Variants in GNA12 observed in about 807,000 individuals in gnomAD.
GNA12 encodes guanine nucleotide-binding protein subunit alpha-12.
In GNA12, 9 loss-of-function variants were observed where a neutral mutation model predicts 26.0. The ratio of observed to expected loss-of-function variants is 0.35; its 90% CI spans 0.21 to 0.60. The LOEUF is 0.60. Among genes scored for constraint, GNA12 ranks in the 20% least tolerant of loss-of-function variants. GNA12 has a pLI of 0.78. For synonymous variants in GNA12, 264 were observed against 219.6 expected, an observed-to-expected ratio of 1.20 and a Z score of -1.79; for missense variants, 405 against 525.8, an observed-to-expected ratio of 0.77 and a Z score of 2.25.
At chr7:2,749,378 A>T (rs562783537) in intron 2 of GNA12, among the ~76,000 whole-genome samples, 1 of 152,148 alleles carries the variant, frequency 6.6e-6, no homozygotes, top group African/African-American at 2.4e-5. Flanking sequence ...GGATGAAACT[A>T]GAAACCATCA....
At chr7:2,831,135 T>C (rs1166854401) in intron 1 of GNA12, among the ~76,000 whole-genome samples, 1 of 151,910 alleles carries the variant, frequency 6.6e-6, no homozygotes, top group Non-Finnish European at 1.5e-5. Flanking sequence ...CTGCTTTAAC[T>C]AGTGCGTTCC....
chr7:2,744,984 A>G (rs1044696445), intron 2 of GNA12, among the ~76,000 whole-genome samples: 3 of 152,232 alleles, frequency 2.0e-5, no homozygotes, highest in Non-Finnish European at 4.4e-5. Flanking sequence ...GAATAAAAAG[A>G]AACGAACAAG....
At chr7:2,843,755 G>T in intron 1 of GNA12, 98 bp downstream of exon 1, 1 of 546,640 alleles carries the variant, frequency 1.8e-6, no homozygotes, top group Non-Finnish European at 3.0e-6. Context: ...TCGCCCCAGG[G>T]GTCCCCGCCC....
At chr7:2,775,105 A>G (rs1792044716) in intron 2 of GNA12, among the ~76,000 whole-genome samples, 1 of 152,196 alleles carries the variant, frequency 6.6e-6, no homozygotes, top group Non-Finnish European at 1.5e-5. Flanking sequence ...TGGATAGACA[A>G]TACATGCACA....
chr7:2,830,865 C>T (rs1562449170), intron 1 of GNA12, among the ~76,000 whole-genome samples: 2 of 151,984 alleles, frequency 1.3e-5, no homozygotes, highest in Admixed American at 1.3e-4. Context: ...CACTTGAGCC[C>T]AGGAGGTCGA....
chr7:2,813,953 G>A (rs1793147985), intron 1 of GNA12, among the ~76,000 whole-genome samples: 1 of 152,178 alleles, frequency 6.6e-6, no homozygotes, highest in Non-Finnish European at 1.5e-5. Flanking sequence ...AATCCCTCAA[G>A]ACCCTGAATA....
intron 1 of GNA12, among the ~76,000 whole-genome samples, chr7:2,830,437 C>G (rs1009818683): frequency 1.3e-5 from 2 of 152,172 alleles, no homozygotes; most frequent in East Asian, 1.9e-4. Flanking sequence ...CATAGTGGGA[C>G]AAACGCAGGG....
intron 2 of GNA12, among the ~76,000 whole-genome samples, chr7:2,789,132 C>CTAT (rs1202789852): frequency 6.9e-5 from 5 of 72,822 alleles, no homozygotes; most frequent in African/African-American, 1.0e-4. Context: ...CTTCAGGCAT[C>CTAT]TTTTTTTTTT....
At chr7:2,739,463 T>C (rs1298696286) in intron 2 of GNA12, among the ~76,000 whole-genome samples, 2 of 150,622 alleles carry the variant, frequency 1.3e-5, no homozygotes, top group African/African-American at 4.9e-5. Context: ...CAGTGCAACA[T>C]TCCATTTTAC....
intron 2 of GNA12, among the ~76,000 whole-genome samples, chr7:2,786,754 C>A (rs1792372372): frequency 6.6e-6 from 1 of 152,202 alleles, no homozygotes; most frequent in Non-Finnish European, 1.5e-5. Context: ...CTGATGCTGT[C>A]CCTGGGGCAG....
chr7:2,785,000 A>G (rs1354492323), intron 2 of GNA12, among the ~76,000 whole-genome samples: 1 of 152,238 alleles, frequency 6.6e-6, no homozygotes, highest in Non-Finnish European at 1.5e-5. Context: ...ATCTATGTTA[A>G]AATACTTAAC....
intron 1 of GNA12, among the ~76,000 whole-genome samples, chr7:2,820,471 G>A (rs1443149276): frequency 6.6e-6 from 1 of 150,664 alleles, no homozygotes; most frequent in Non-Finnish European, 1.5e-5. Context: ...CACTTTGGGA[G>A]GCTGAGGTGA....
intron 2 of GNA12, among the ~76,000 whole-genome samples, chr7:2,768,376 C>T (rs983455635): frequency 2.4e-4 from 37 of 152,306 alleles, no homozygotes; most frequent in African/African-American, 8.9e-4. Context: ...AGATCAGTAG[C>T]CTTCCTTTTT....
intron 2 of GNA12, among the ~76,000 whole-genome samples, chr7:2,768,042 AC>A (rs1791850864): frequency 6.6e-6 from 1 of 152,092 alleles, no homozygotes; most frequent in African/African-American, 2.4e-5. Context: ...TTTAGTAGAG[AC>A]AGGGTTTCAC....
At chr7:2,773,275 TAAAC>T (rs1347990124) in intron 2 of GNA12, among the ~76,000 whole-genome samples, 1 of 152,134 alleles carries the variant, frequency 6.6e-6, no homozygotes, top group African/African-American at 2.4e-5. Flanking sequence ...TTAAAACAAA[TAAAC>T]AAGGCTGGGG....
intron 1 of GNA12, among the ~76,000 whole-genome samples, chr7:2,807,088 T>C (rs1792968040): frequency 1.3e-5 from 2 of 152,174 alleles, no homozygotes; most frequent in Admixed American, 1.3e-4. Context: ...TTCACGAAAA[T>C]TGTCCTCCAA....
chr7:2,769,793 AG>A (rs1476489263), intron 2 of GNA12, among the ~76,000 whole-genome samples: 2 of 152,198 alleles, frequency 1.3e-5, no homozygotes, highest in Non-Finnish European at 1.5e-5. Context: ...TCTCCCAAAA[AG>A]GTTGTACCAA....
At chr7:2,821,492 C>T (rs1021229998) in intron 1 of GNA12, among the ~76,000 whole-genome samples, 7 of 152,224 alleles carry the variant, frequency 4.6e-5, no homozygotes, top group Non-Finnish European at 7.3e-5. Context: ...ATCATCCACT[C>T]AGGAAACTCC....
At chr7:2,809,675 T>C (rs567192245) in intron 1 of GNA12, among the ~76,000 whole-genome samples, 1 of 152,236 alleles carries the variant, frequency 6.6e-6, no homozygotes, top group East Asian at 1.9e-4. Context: ...AAAAAGCCTA[T>C]TGACAGGAAA....
Sources: allele counts gnomAD v4.1 joint callset (sites outside exome capture counted in the v4.1 genomes callset), GRCh38; gene constraint gnomAD v4.1.1; transcripts MANE v1.5; gene names NCBI Gene and HGNC (gene_info 2026-07-23, HGNC 2026-07-21).